Variants in TRIP11 observed in about 807,000 individuals in gnomAD.
TRIP11 encodes the protein thyroid hormone receptor interactor 11, also known as thyroid receptor-interacting protein 11.
Under a neutral mutation model 223.1 loss-of-function variants are expected in TRIP11, and 148 were observed. The ratio of observed to expected loss-of-function variants is 0.66; its 90% CI spans 0.58 to 0.76. The LOEUF (loss-of-function observed/expected upper bound fraction) is 0.76. TRIP11 is among the 30% of genes least tolerant of loss of function. TRIP11 has a pLI of 0.00. For synonymous variants in TRIP11, 762 were observed against 772.6 expected, an observed-to-expected ratio of 0.99 and a Z score of 0.23; for missense variants, 2,043 against 2,222.0, an observed-to-expected ratio of 0.92 and a Z score of 1.62.
rs763062534 is a variant in TRIP11, at chr14:91,967,564, T to C, written c.*2109A>G. 30 of 201,660 alleles carry C rather than the reference T, an allele frequency of 1.5e-4. No homozygotes were observed. Among genetic ancestry groups the C allele is most frequent in the Non-Finnish European group, 1.0e-4 (10 of 97,996 alleles). 12.5% of individuals were successfully genotyped at this position (201,660 alleles called of 1,614,324 possible). A position where few individuals can be genotyped will look rare whatever the true frequency, so the allele number is the denominator to read the frequency against. ...TTTAAACTTACGTTAAACCATGGGA[T>C]GAGAGGCGGACAAGTTGTTTTGGTC... On this transcript the variant is annotated 3_prime_UTR_variant, in exon 21 of 21. Coordinates refer to ENST00000267622, the MANE Select transcript of TRIP11 (RefSeq NM_004239.4).
At chr14:92,000,939 C>T (rs1373852288) in intron 11 of TRIP11, among the ~76,000 whole-genome samples, 1 of 151,302 alleles carries the variant, frequency 6.6e-6, no homozygotes, top group East Asian at 1.9e-4. Context: ...CGGTTCACTG[C>T]AACCTCCGCC....
intron 2 of TRIP11, among the ~76,000 whole-genome samples, chr14:92,031,889 C>T (rs377622259): frequency 2.0e-5 from 3 of 152,184 alleles, no homozygotes; most frequent in South Asian, 4.2e-4. Context: ...CACAGCTCAC[C>T]GCAGCCTTGA....
At chr14:91,974,595 T>C in intron 19 of TRIP11, 32 bp downstream of exon 19, 1 of 1,504,056 alleles carries the variant, frequency 6.6e-7, no homozygotes, top group Non-Finnish European at 9.2e-7. Flanking sequence ...ATTTTACTAT[T>C]CACCTTAAGC....
Position 92,000,065 on chromosome 14 carries a change from G to C in TRIP11, c.4601C>G (p.Ser1534Ter). 1 of 1,613,868 alleles carries C rather than the reference G, an allele frequency of 6.2e-7. No individual in the cohort carries two copies. Reference sequence around the variant, plus strand: ...AAACACAACTGTCTTCTCCTGCATTGATTTAACTGCATTTAAAAGCTGATT... The same window carrying C: ...AAACACAACTGTCTTCTCCTGCATTCATTTAACTGCATTTAAAAGCTGATT... ...ELNQLLNAVK[S>*]MQEKTVVFQQ... is the part of the protein sequence containing the mutation. The change falls in exon 12 of 21, where the codon TCA (serine) becomes TGA (stop). Residue 1534 changes from serine to a stop codon, truncating the protein, a stop_gained. Transcript: ENST00000267622. LOFTEE classifies it high-confidence loss of function.
At chr14:91,989,330 T>C (rs1012213526) in intron 15 of TRIP11, among the ~76,000 whole-genome samples, 1 of 150,714 alleles carries the variant, frequency 6.6e-6, no homozygotes, top group Non-Finnish European at 1.5e-5. Context: ...GGGTCTGTTG[T>C]TTTTTTTTCC....
chr14:92,021,843 TA>T lies in TRIP11; in HGVS notation c.313-13del, dbSNP rs1278188007. On this transcript the variant is annotated splice_polypyrimidine_tract_variant and intron_variant, in intron 3 of 20. Transcript: ENST00000267622. ...TGGCTGATTTCTACCTATATATTTA[TA>T]ATCCAAGTTTTAGAGAAGGTACTTT... 6.2e-7 allele frequency: 1 copy of T among 1,612,284 alleles called. No homozygotes were observed.
rs1209096291 is a variant in TRIP11, at chr14:91,969,337, G to C, written c.*336C>G. 8.7e-6 allele frequency: 3 copies of C among 346,808 alleles called. No homozygotes were observed. The highest frequency in any genetic ancestry group is 9.4e-5 in the East Asian group (2 of 21,282). The allele number at this position is 346,808 out of a possible 1,614,324, so 21.5% of individuals were successfully genotyped here. On this transcript the variant is annotated 3_prime_UTR_variant, in exon 21 of 21. Transcript: ENST00000267622. ...ATAAACCACAATCTCTAGCTTAAAT[G>C]AGCTTGGAAATCACAAAAGGAAATA...
At chr14:91,982,069 C>T (rs1486516397) in intron 16 of TRIP11, among the ~76,000 whole-genome samples, 1 of 152,122 alleles carries the variant, frequency 6.6e-6, no homozygotes, top group Non-Finnish European at 1.5e-5. Context: ...CTGAATTCCA[C>T]TAGATCAGAA....
At chr14:91,977,109 T>C in intron 16 of TRIP11, 4 of 385,640 alleles carry the variant, frequency 1.0e-5, no homozygotes, top group South Asian at 8.0e-5. Flanking sequence ...ATCCAAACGC[T>C]AGACTCTGCC....
intron 14 of TRIP11, among the ~76,000 whole-genome samples, chr14:91,994,875 T>C (rs1301273529): frequency 6.6e-6 from 1 of 152,204 alleles, no homozygotes; most frequent in Non-Finnish European, 1.5e-5. Flanking sequence ...AAAATGTAGT[T>C]ACCTCAAAGC....
rs2056861315 is a variant in TRIP11, at chr14:92,003,902, T to C, written c.4074A>G (p.Glu1358=). The C allele has an allele frequency of 6.2e-7, 1 of 1,614,124 alleles. No individual in the cohort carries two copies. Among genetic ancestry groups the C allele is most frequent in the Non-Finnish European group, 8.5e-7 (1 of 1,180,034 alleles). ...ELEELRKSLQ[E]KDATIRTLQE... ...GGAGAGTTCTAATTGTTGCATCTTT[T>C]TCCTGTAGTGATTTTCTTAGCTCTT... The change falls in exon 11 of 21, where the codon GAA becomes GAG. Residue 1358 remains glutamate, a synonymous_variant. Coordinates refer to ENST00000267622, the MANE Select transcript of TRIP11 (RefSeq NM_004239.4).
chr14:91,980,450 C>G (rs568844843), intron 16 of TRIP11, among the ~76,000 whole-genome samples: 38 of 152,314 alleles, frequency 2.5e-4, no homozygotes, highest in Non-Finnish European at 4.7e-4. Flanking sequence ...ATGGTCCTAT[C>G]ACCAGGGCCA....
intron 11 of TRIP11, among the ~76,000 whole-genome samples, chr14:92,000,812 T>C (rs74244588): frequency 0.019 from 2,846 of 151,858 alleles, 55 homozygotes; most frequent in South Asian, 0.083. Flanking sequence ...GCTGAAATTC[T>C]AAAAAGCACA....
intron 11 of TRIP11, among the ~76,000 whole-genome samples, chr14:92,001,963 C>T (rs1001322252): frequency 1.3e-5 from 2 of 152,156 alleles, no homozygotes; most frequent in African/African-American, 4.8e-5. Flanking sequence ...CAACTTTAAT[C>T]CAAGACTCTA....
intron 16 of TRIP11, among the ~76,000 whole-genome samples, chr14:91,977,625 TC>T (rs2056483426): frequency 6.6e-6 from 1 of 151,496 alleles, no homozygotes; most frequent in Admixed American, 6.6e-5. Flanking sequence ...TTTTTTTTTT[TC>T]CTGCCTGGAA....
intron 4 of TRIP11, among the ~76,000 whole-genome samples, chr14:92,018,979 C>CA (rs1282016494): frequency 1.0e-3 from 91 of 90,596 alleles, no homozygotes; most frequent in African/African-American, 1.8e-3. Context: ...AAAAAAAAAA[C>CA]AAAAAAAAAA....
chr14:91,988,909 T>A (rs940111376), intron 15 of TRIP11, among the ~76,000 whole-genome samples: 8 of 152,212 alleles, frequency 5.3e-5, no homozygotes, highest in African/African-American at 1.9e-4. Context: ...ATTTCTCCTG[T>A]CCATCTGTAA....
At chr14:91,999,467 T>C in intron 12 of TRIP11, 34 bp from the exon 13 acceptor site, 1 of 1,607,064 alleles carries the variant, frequency 6.2e-7, no homozygotes, top group Non-Finnish European at 8.5e-7. Flanking sequence ...TTTTACAAAA[T>C]GCTCCCTTTC....
intron 3 of TRIP11, among the ~76,000 whole-genome samples, chr14:92,024,366 G>C (rs1238923720): frequency 2.3e-5 from 3 of 131,696 alleles, no homozygotes; most frequent in Non-Finnish European, 4.8e-5. Flanking sequence ...GCAAGACTCT[G>C]TCTCAAAAAA....
Sources: gnomAD v4.1 joint callset for allele counts (sites outside exome capture counted in the v4.1 genomes callset) on GRCh38, gnomAD v4.1.1 for gene constraint, MANE v1.5 for transcripts, NCBI Gene and HGNC (gene_info 2026-07-23, HGNC 2026-07-21) for gene names.